CCDC3: variants seen among roughly 807,000 people sequenced by gnomAD.
The protein encoded by CCDC3 is coiled-coil domain containing 3.
In CCDC3, 24 loss-of-function variants were observed where a neutral mutation model predicts 21.4. That is an observed-to-expected ratio of 1.12 (90% CI 0.81 to 1.58). The LOEUF is 1.58. Among genes scored for constraint, CCDC3 ranks in the 40% most tolerant of loss-of-function variants. The pLI, the probability that CCDC3 is intolerant of heterozygous loss-of-function variation, is 0.00. For missense variants in CCDC3, 425 were observed against 360.9 expected (o/e 1.18, Z -1.44); for synonymous variants, 186 against 166.0 (o/e 1.12, Z -0.93).
At chr10:12,999,163 C>T (rs1835809448) in intron 1 of CCDC3, among the ~76,000 whole-genome samples, 1 of 152,138 alleles carries the variant, frequency 6.6e-6, no homozygotes, top group African/African-American at 2.4e-5. Flanking sequence ...TCACTTGAAC[C>T]TAGGAGGCGG....
intron 3 of CCDC3, among the ~76,000 whole-genome samples, chr10:13,082,030 T>C (rs1266561199): frequency 6.6e-6 from 1 of 152,238 alleles, no homozygotes; most frequent in Non-Finnish European, 1.5e-5. Context: ...TCCAGCCTTG[T>C]AGGGACCGGC....
At chr10:13,037,915 C>CT (rs1836399002) in intron 5 of CCDC3, among the ~76,000 whole-genome samples, 1 of 152,204 alleles carries the variant, frequency 6.6e-6, no homozygotes, top group South Asian at 2.1e-4. Flanking sequence ...CCCTACTCCT[C>CT]TGCTGGTTCC....
Position 12,929,975 on chromosome 10 carries a change from T to A in CCDC3, c.550-31296A>T, listed in dbSNP as rs569508399. ...ACTAGAAAAAAATTTCTGTTTTTGATCTGGCCATTGAAATTTTTTTATGAG... is the reference window on the plus strand; with the variant it reads ...ACTAGAAAAAAATTTCTGTTTTTGAACTGGCCATTGAAATTTTTTTATGAG... On this transcript the variant is annotated intron_variant, in intron 2 of 2. Coordinates refer to ENST00000378825, the MANE Select transcript of CCDC3 (RefSeq NM_031455.4). Among the ~76,000 whole-genome samples, 374 of 152,348 alleles carry A rather than the reference T, an allele frequency of 2.5e-3. 1 individual carries two copies. The highest frequency in any genetic ancestry group is 3.9e-3 in the Non-Finnish European group (265 of 68,036).
At chr10:13,088,432 C>T (rs760247514) in intron 3 of CCDC3, among the ~76,000 whole-genome samples, 12 of 152,162 alleles carry the variant, frequency 7.9e-5, no homozygotes, top group African/African-American at 2.2e-4. Flanking sequence ...AAAATGACAT[C>T]GCCCCAAATC....
chr10:13,068,729 A>T (rs1258511874), intron 4 of CCDC3, among the ~76,000 whole-genome samples: 1 of 152,214 alleles, frequency 6.6e-6, no homozygotes, highest in African/African-American at 2.4e-5. Context: ...TAATTATAAC[A>T]ACTTACTAGG....
At chr10:12,958,747 A>C (rs2580888) in intron 2 of CCDC3, among the ~76,000 whole-genome samples, 130,828 of 152,180 alleles carry the variant, frequency 0.86, 57,483 homozygotes, top group East Asian at 1. Flanking sequence ...CTGCTGCCCC[A>C]AGCTGACATC....
chr10:13,083,969 A>C (rs544703431), intron 3 of CCDC3, among the ~76,000 whole-genome samples: 1 of 152,078 alleles, frequency 6.6e-6, no homozygotes, highest in Admixed American at 6.5e-5. Context: ...TTTTTTCCTT[A>C]TGGTACCAAG....
Position 12,940,011 on chromosome 10 carries a change from C to T in CCDC3, c.550-41332G>A, listed in dbSNP as rs559600392. ...GGTCAAGATGGATTAAATGCCCATT[C>T]TAGGGCCTTAACCCATTCTAATTCC... is the stretch of plus-strand genomic sequence containing the variant. On this transcript the variant is annotated intron_variant, in intron 2 of 2. Transcript: ENST00000378825. Among the ~76,000 whole-genome samples, 30 of 152,290 alleles carry T rather than the reference C, an allele frequency of 2.0e-4. No individual in the cohort carries two copies. In the South Asian group the frequency reaches 6.2e-3, roughly 32 times the overall value.
chr10:13,060,444 G>A (rs191284098), intron 4 of CCDC3, among the ~76,000 whole-genome samples: 1 of 152,282 alleles, frequency 6.6e-6, no homozygotes, highest in African/African-American at 2.4e-5. Context: ...TCATCAGAGA[G>A]GTGGGAGGGA....
intron 2 of CCDC3, among the ~76,000 whole-genome samples, chr10:12,986,711 T>G (rs1451924505): frequency 6.6e-6 from 1 of 150,580 alleles, no homozygotes; most frequent in Non-Finnish European, 1.5e-5. Flanking sequence ...AGGCGGAGCT[T>G]GCAGTGAGCC....
At chr10:12,914,623 G>T (rs7921923) in intron 2 of CCDC3, among the ~76,000 whole-genome samples, 32,364 of 151,506 alleles carry the variant, frequency 0.21, 4,060 homozygotes, top group African/African-American at 0.34. Context: ...TTTTTGTATT[G>T]TGTAGAGCCG....
intron 2 of CCDC3, among the ~76,000 whole-genome samples, chr10:12,931,263 A>G (rs1834637580): frequency 6.6e-6 from 1 of 151,716 alleles, no homozygotes; most frequent in Non-Finnish European, 1.5e-5. Flanking sequence ...TGCCGTATTC[A>G]TAAGACTTTA....
At chr10:13,027,791 C>T (rs188939440) in intron 5 of CCDC3, among the ~76,000 whole-genome samples, 200 of 151,604 alleles carry the variant, frequency 1.3e-3, no homozygotes, top group African/African-American at 4.4e-3. Context: ...TACGACCTTA[C>T]AAGGTGACTA....
chr10:13,021,759 TTTTG>T (rs752979650), intron 5 of CCDC3, among the ~76,000 whole-genome samples: 68 of 152,248 alleles, frequency 4.5e-4, no homozygotes, highest in Non-Finnish European at 8.7e-4. Flanking sequence ...TTTTTTGTTT[TTTTG>T]TTTGTTTGTT....
At chr10:13,058,357 G>A in intron 4 of CCDC3, 2 of 1,130,704 alleles carry the variant, frequency 1.8e-6, no homozygotes. Context: ...TGAGAATCCT[G>A]TGGGTCAGCA....
intron 2 of CCDC3, among the ~76,000 whole-genome samples, chr10:12,955,207 C>T (rs1835064676): frequency 6.6e-6 from 1 of 152,190 alleles, no homozygotes; most frequent in Middle Eastern, 3.2e-3. Flanking sequence ...ACTTCCATTT[C>T]CTTAAAGAAG....
chr10:13,043,916 T>G (rs1836493286), intron 5 of CCDC3, among the ~76,000 whole-genome samples: 1 of 152,264 alleles, frequency 6.6e-6, no homozygotes, highest in Non-Finnish European at 1.5e-5. Flanking sequence ...TTTTAAGTTA[T>G]TTGAGAACTC....
intron 3 of CCDC3, among the ~76,000 whole-genome samples, chr10:13,082,163 T>C (rs539941): frequency 0.98 from 148,877 of 152,196 alleles, 72,889 homozygotes; most frequent in East Asian, 1. Context: ...CACCAAGATG[T>C]GGAGACTGAT....
intron 4 of CCDC3, among the ~76,000 whole-genome samples, chr10:13,061,897 C>T (rs561949538): frequency 2.0e-5 from 3 of 152,214 alleles, no homozygotes; most frequent in Admixed American, 2.0e-4. Context: ...TTAATCTCCT[C>T]AGGATTGGGA....
Sources: gnomAD v4.1 joint callset for allele counts (sites outside exome capture counted in the v4.1 genomes callset) on GRCh38, gnomAD v4.1.1 for gene constraint, MANE v1.5 for transcripts, NCBI Gene and HGNC (gene_info 2026-07-23, HGNC 2026-07-21) for gene names.